HS3ST5: variants seen among roughly 807,000 people sequenced by gnomAD.
HS3ST5 encodes the protein heparan sulfate glucosamine 3-O-sulfotransferase 5.
Under a neutral mutation model 25.4 loss-of-function variants are expected in HS3ST5, and 10 were observed. The observed-to-expected ratio is 0.39, with a 90% CI of 0.24 to 0.67. The LOEUF is 0.67. Among genes scored for constraint, HS3ST5 ranks in the 30% least tolerant of loss-of-function variants. HS3ST5 has a pLI of 0.44. For missense variants in HS3ST5, 324 were observed against 420.7 expected, an observed-to-expected ratio of 0.77 and a Z score of 2.01; for synonymous variants, 170 against 162.4, an observed-to-expected ratio of 1.05 and a Z score of -0.36.
chr6:114,122,149 A>G (rs1466253961), intron 3 of HS3ST5, among the ~76,000 whole-genome samples: 3 of 152,182 alleles, frequency 2.0e-5, no homozygotes, highest in Non-Finnish European at 4.4e-5. Flanking sequence ...CTGCTTAGCC[A>G]GCCTTGCTAA....
At chr6:114,159,609 T>G (rs997147406) in intron 3 of HS3ST5, among the ~76,000 whole-genome samples, 2 of 152,190 alleles carry the variant, frequency 1.3e-5, no homozygotes, top group Admixed American at 6.5e-5. Context: ...TGATTTCTGT[T>G]TCTTGATCCA....
intron 2 of HS3ST5, among the ~76,000 whole-genome samples, chr6:114,178,393 A>G (rs544999823): frequency 2.6e-5 from 4 of 152,342 alleles, no homozygotes; most frequent in Non-Finnish European, 5.9e-5. Context: ...CCACAAAACA[A>G]AGCAAAATCT....
intron 2 of HS3ST5, among the ~76,000 whole-genome samples, chr6:114,215,641 A>G (rs1781723520): frequency 6.6e-6 from 1 of 151,872 alleles, no homozygotes; most frequent in Non-Finnish European, 1.5e-5. Flanking sequence ...CTGGCCATCA[A>G]GGCTTCCTCT....
At chr6:114,062,916 G>T in intron 3 of HS3ST5, 39 bp from the exon 4 acceptor site, 2 of 1,235,130 alleles carry the variant, frequency 1.6e-6, no homozygotes, top group African/African-American at 3.0e-5. Flanking sequence ...TCTCTTAGAG[G>T]CTCTGTTGGT....
At chr6:114,289,443 C>A (rs1442584387) in intron 1 of HS3ST5, among the ~76,000 whole-genome samples, 6 of 152,072 alleles carry the variant, frequency 3.9e-5, no homozygotes, top group Admixed American at 2.0e-4. Flanking sequence ...AGACATCCCA[C>A]CAATTATCTT....
At chr6:114,185,002 A>G (rs1211036643) in intron 2 of HS3ST5, among the ~76,000 whole-genome samples, 3 of 152,168 alleles carry the variant, frequency 2.0e-5, no homozygotes, top group African/African-American at 7.2e-5. Context: ...CTGGAGAAGA[A>G]TTTTGCCTCA....
At chr6:114,242,338 A>G (rs549166193) in intron 1 of HS3ST5, among the ~76,000 whole-genome samples, 75 of 152,324 alleles carry the variant, frequency 4.9e-4, no homozygotes, top group African/African-American at 1.8e-3. Flanking sequence ...AAATATTAAA[A>G]TTTCATGTGA....
intron 3 of HS3ST5, among the ~76,000 whole-genome samples, chr6:114,140,486 T>G (rs1463099725): frequency 2.6e-5 from 4 of 152,246 alleles, no homozygotes; most frequent in Non-Finnish European, 4.4e-5. Context: ...ATTACATGTT[T>G]GAGATGAATC....
intron 1 of HS3ST5, among the ~76,000 whole-genome samples, chr6:114,319,827 A>G (rs138269417): frequency 3.0e-4 from 45 of 152,204 alleles, no homozygotes; most frequent in African/African-American, 1.1e-3. Flanking sequence ...GCATACATGT[A>G]TGAGTACGTC....
intron 2 of HS3ST5, among the ~76,000 whole-genome samples, chr6:114,226,045 G>A (rs1457202900): frequency 4.0e-5 from 6 of 151,898 alleles, no homozygotes; most frequent in East Asian, 1.9e-4. Context: ...GAACAAAATC[G>A]TAGGCCAACC....
At chr6:114,265,466 T>C (rs1414635060) in intron 1 of HS3ST5, among the ~76,000 whole-genome samples, 1 of 151,994 alleles carries the variant, frequency 6.6e-6, no homozygotes, top group Non-Finnish European at 1.5e-5. Flanking sequence ...AAAGCAGAGA[T>C]AGAACGTAGT....
intron 2 of HS3ST5, chr6:114,220,699 T>C (rs1021576009): frequency 6.6e-6 from 1 of 152,062 alleles, no homozygotes; most frequent in Non-Finnish European, 1.5e-5. Flanking sequence ...GAGATCATTC[T>C]TCTGTCCAAA....
At position 114,239,137 on chromosome 6, in the gene HS3ST5, C is replaced by T. The variant is rs186670319; in HGVS notation, c.-338-10359G>A. On this transcript the variant is annotated intron_variant, in intron 1 of 4. Coordinates refer to ENST00000312719, the MANE Select transcript of HS3ST5 (RefSeq NM_153612.4). ...CAACTATAAACTTCAAATTTGTGAGCTTTTACACTTTCTTGAGTGACTTCA... is the reference window on the plus strand; with the variant it reads ...CAACTATAAACTTCAAATTTGTGAGTTTTTACACTTTCTTGAGTGACTTCA... 8.5e-5 allele frequency: 13 copies of T among 152,256 alleles called. 1 individual carries two copies. The highest frequency in any genetic ancestry group is 8.5e-4 in the Admixed American group (13 of 15,300). The allele number at this position is 152,256 out of a possible 1,614,324, so 9.4% of individuals were successfully genotyped here.
intron 1 of HS3ST5, among the ~76,000 whole-genome samples, chr6:114,308,522 G>A (rs1339915742): frequency 6.6e-6 from 1 of 151,764 alleles, no homozygotes; most frequent in Non-Finnish European, 1.5e-5. Flanking sequence ...AGGAGGCGGA[G>A]CTTGCAGTGA....
At chr6:114,340,666 C>T (rs1011382510) in intron 1 of HS3ST5, 5 of 152,230 alleles carry the variant, frequency 3.3e-5, no homozygotes, top group Admixed American at 3.3e-4. Context: ...GAGGAAACCC[C>T]AAGGTAACAA....
chr6:114,260,783 A>T (rs1562256189), intron 1 of HS3ST5, among the ~76,000 whole-genome samples: 1 of 152,262 alleles, frequency 6.6e-6, no homozygotes, highest in South Asian at 2.1e-4. Flanking sequence ...AGAGTTGAGA[A>T]AGCATGATCT....
intron 2 of HS3ST5, among the ~76,000 whole-genome samples, chr6:114,226,754 T>C (rs1273376777): frequency 6.6e-6 from 1 of 152,028 alleles, no homozygotes. Flanking sequence ...GAAACTACAT[T>C]GTAAGTTTTC....
intron 1 of HS3ST5, among the ~76,000 whole-genome samples, chr6:114,240,009 T>TACACACACACAC (rs149926688): frequency 2.1e-4 from 31 of 148,998 alleles, no homozygotes; most frequent in African/African-American, 7.1e-4. Context: ...AGCACACACA[T>TACACACACACAC]ACACACACAC....
At chr6:114,077,597 TAA>T (rs1262335762) in intron 3 of HS3ST5, among the ~76,000 whole-genome samples, 1 of 152,314 alleles carries the variant, frequency 6.6e-6, no homozygotes, top group South Asian at 2.1e-4. Context: ...CTCCTGCAGT[TAA>T]AGAGTTCCAG....
Sources: allele counts gnomAD v4.1 joint callset (sites outside exome capture counted in the v4.1 genomes callset), GRCh38; gene constraint gnomAD v4.1.1; transcripts MANE v1.5; gene names NCBI Gene and HGNC (gene_info 2026-07-23, HGNC 2026-07-21).